ANOS1: variants seen among roughly 807,000 people sequenced by gnomAD.
ANOS1 encodes the protein anosmin 1.
Under a neutral mutation model 59.0 loss-of-function variants are expected in ANOS1, and 6 were observed. The ratio of observed to expected loss-of-function variants is 0.10; its 90% CI spans 0.06 to 0.20. ANOS1 has a LOEUF of 0.20. Among genes scored for constraint, ANOS1 ranks in the 10% least tolerant of loss-of-function variants. The probability of loss-of-function intolerance (pLI) is 1.00; values close to 1 mark genes in which losing one functional copy is unlikely to be tolerated. For synonymous variants in ANOS1, 217 were observed against 223.4 expected, an observed-to-expected ratio of 0.97 and a Z score of 0.25; for missense variants, 433 against 542.3, an observed-to-expected ratio of 0.80 and a Z score of 2.00.
chrX:8,670,233 A>C (rs1932233676), intron 2 of ANOS1, among the ~76,000 whole-genome samples: 1 of 111,394 alleles, frequency 9.0e-6, no homozygotes, highest in Non-Finnish European at 1.9e-5. Context: ...CTATCAGCAT[A>C]GTGCCTAAGA....
chrX:8,556,624 T>G, intron 8 of ANOS1, among the ~76,000 whole-genome samples: 1 of 111,486 alleles, frequency 9.0e-6, no homozygotes, highest in Non-Finnish European at 1.9e-5. Flanking sequence ...TTACAAGGGC[T>G]GTGAAGGACC....
Position 8,601,609 on chromosome X carries a change from G to C in ANOS1, c.319-4353C>G, listed in dbSNP as rs1046478092. Among the ~76,000 whole-genome samples, 9 of 112,150 alleles carry C rather than the reference G, an allele frequency of 8.0e-5. No individual in the cohort carries two copies. In the East Asian group the frequency reaches 2.5e-3, roughly 31 times the overall value. On this transcript the variant is annotated intron_variant, in intron 3 of 13. Transcript: ENST00000262648. ...ACAATTTAGATCTTTCAGTTGATAT[G>C]AGAGTTATTCTGTATGGATATTCAA...
At chrX:8,590,100 G>A (rs961233441) in intron 4 of ANOS1, among the ~76,000 whole-genome samples, 1 of 110,808 alleles carries the variant, frequency 9.0e-6, no homozygotes, top group African/African-American at 3.3e-5. Flanking sequence ...TTTTTCTAAC[G>A]TAGAAGCGAG....
chrX:8,558,103 A>AT (rs903363251), intron 8 of ANOS1, among the ~76,000 whole-genome samples: 27 of 109,671 alleles, frequency 2.5e-4, no homozygotes, highest in African/African-American at 9.0e-4. Context: ...GTTCTCACTC[A>AT]TAAGTGGGAG....
At chrX:8,686,584 C>T (rs1169686084) in intron 2 of ANOS1, among the ~76,000 whole-genome samples, 1 of 112,023 alleles carries the variant, frequency 8.9e-6, no homozygotes, top group Non-Finnish European at 1.9e-5. Context: ...ACTGCAAAAT[C>T]CACAGTATCC....
At chrX:8,612,312 C>T (rs1255141570) in intron 3 of ANOS1, among the ~76,000 whole-genome samples, 4 of 111,131 alleles carry the variant, frequency 3.6e-5, no homozygotes, top group Non-Finnish European at 7.6e-5. Flanking sequence ...TAAAAACATG[C>T]TATAACACAA....
intron 1 of ANOS1, among the ~76,000 whole-genome samples, chrX:8,710,767 T>C (rs1000963505): frequency 8.9e-6 from 1 of 112,315 alleles, no homozygotes; most frequent in Non-Finnish European, 1.9e-5. Flanking sequence ...AGTGATCAAC[T>C]TTCAGATTTT....
At chrX:8,640,636 T>A (rs1931647615) in intron 2 of ANOS1, among the ~76,000 whole-genome samples, 1 of 110,584 alleles carries the variant, frequency 9.0e-6, no homozygotes, top group African/African-American at 3.3e-5. Context: ...TTCTTGTTTT[T>A]TTTTTCTCTT....
chrX:8,582,920 T>C (rs2146815644), intron 6 of ANOS1, among the ~76,000 whole-genome samples: 1 of 111,878 alleles, frequency 8.9e-6, no homozygotes, highest in East Asian at 2.8e-4. Context: ...TGCGGTGGCT[T>C]GCAGAAAATG....
At chrX:8,542,713 C>G (rs188286338) in intron 9 of ANOS1, among the ~76,000 whole-genome samples, 91 of 111,166 alleles carry the variant, frequency 8.2e-4, no homozygotes, top group African/African-American at 2.5e-3. Flanking sequence ...CTTCCACCAG[C>G]TTCAAAGTCA....
rs757532758 is a variant in ANOS1 at position 8,682,354 on chromosome X, C to CCACACACACACACA, written c.255+17330_255+17343dup. On this transcript the variant is annotated intron_variant, in intron 2 of 13. Coordinates refer to ENST00000262648, the MANE Select transcript of ANOS1 (RefSeq NM_000216.4). ...CTTTTTTCGGAAAACGAGAATTTCA[C>CCACACACACACACA]CACACACACACACACACACACACAT... is the stretch of plus-strand genomic sequence containing the variant. Among the ~76,000 whole-genome samples the CCACACACACACACA allele has an allele frequency of 3.0e-3, 304 of 101,609 alleles. 2 individuals are homozygous for CCACACACACACACA. The highest frequency in any genetic ancestry group is 0.01 in the African/African-American group (276 of 27,305). The allele number at this position is 101,609 out of a possible 115,157, so 88.2% of individuals were successfully genotyped here.
chrX:8,700,041 G>A (rs190068237), intron 1 of ANOS1, among the ~76,000 whole-genome samples: 3 of 112,154 alleles, frequency 2.7e-5, no homozygotes, highest in Admixed American at 9.5e-5. Flanking sequence ...AGTGAAGCAG[G>A]TAAATGAACA....
rs752442670 is a variant in ANOS1, at chrX:8,537,628, T to C, written c.1450-686A>G. Among the ~76,000 whole-genome samples the C allele has an allele frequency of 3.6e-5, 4 of 111,121 alleles. No individual in the cohort carries two copies. In the South Asian group the frequency reaches 1.5e-3, roughly 43 times the overall value. On this transcript the variant is annotated intron_variant, in intron 10 of 13. Coordinates refer to ENST00000262648, the MANE Select transcript of ANOS1 (RefSeq NM_000216.4). Reference sequence around the variant, plus strand: ...GTATATGTATAAAAGTGCAGATGGATAGCTGGGCATGGTGACTCGTGTCAT... The same window carrying C: ...GTATATGTATAAAAGTGCAGATGGACAGCTGGGCATGGTGACTCGTGTCAT...
chrX:8,685,601 A>AAGG (rs1569082564), intron 2 of ANOS1, among the ~76,000 whole-genome samples: 58 of 30,214 alleles, frequency 1.9e-3, no homozygotes, highest in East Asian at 0.017. Flanking sequence ...AGAAAGGAAG[A>AAGG]AAGAAAGAAA....
chrX:8,608,212 C>T (rs1045630684), intron 3 of ANOS1, among the ~76,000 whole-genome samples: 8 of 111,904 alleles, frequency 7.1e-5, no homozygotes, highest in African/African-American at 2.6e-4. Flanking sequence ...TAGCATGGAT[C>T]CTAGCACATA....
chrX:8,537,021 A>G, intron 10 of ANOS1, 79 bp from the exon 11 acceptor site: 2 of 859,771 alleles, frequency 2.3e-6, no homozygotes, highest in Non-Finnish European at 3.4e-6. Context: ...TTGAAATCAT[A>G]TTCCATCCAA....
At chrX:8,597,382 C>T (rs1930759012) in intron 3 of ANOS1, 126 bp from the exon 4 acceptor site, 4 of 581,051 alleles carry the variant, frequency 6.9e-6, no homozygotes, top group Non-Finnish European at 1.1e-5. Flanking sequence ...TGACAAAATG[C>T]ATGTATTTGT....
intron 2 of ANOS1, among the ~76,000 whole-genome samples, chrX:8,641,860 T>C (rs1931670684): frequency 8.9e-6 from 1 of 111,923 alleles, no homozygotes; most frequent in Admixed American, 9.6e-5. Context: ...GCCGGGTTTT[T>C]TTCCCCCTGT....
chrX:8,637,039 T>A (rs184030764), intron 2 of ANOS1, among the ~76,000 whole-genome samples: 2 of 112,447 alleles, frequency 1.8e-5, no homozygotes, highest in Admixed American at 1.9e-4. Context: ...TTAATTTTAT[T>A]CTCTCTTCAC....
Sources: allele counts gnomAD v4.1 joint callset (sites outside exome capture counted in the v4.1 genomes callset), GRCh38; gene constraint gnomAD v4.1.1; transcripts MANE v1.5; gene names NCBI Gene and HGNC (gene_info 2026-07-23, HGNC 2026-07-21).